RBFOX1: variants seen among roughly 807,000 people sequenced by gnomAD.
RBFOX1 encodes RNA binding fox-1 homolog 1, also known as RNA binding protein fox-1 homolog 1.
In RBFOX1, 8 loss-of-function variants were observed where a neutral mutation model predicts 57.7. The observed-to-expected ratio is 0.14, with a 90% CI of 0.08 to 0.25. RBFOX1 has a LOEUF of 0.25. RBFOX1 is among the 10% of genes least tolerant of loss of function. RBFOX1 has a pLI of 1.00. For synonymous variants in RBFOX1, 326 were observed against 222.4 expected, an observed-to-expected ratio of 1.47 and a Z score of -4.15; for missense variants, 611 against 548.5, an observed-to-expected ratio of 1.11 and a Z score of -1.14.
intron 3 of RBFOX1, among the ~76,000 whole-genome samples, chr16:6,781,016 T>C (rs1482444438): frequency 6.6e-6 from 1 of 152,160 alleles, no homozygotes; most frequent in Non-Finnish European, 1.5e-5. Context: ...CATTTGACCA[T>C]TTTTGCTTTG....
At chr16:7,215,595 A>C (rs2091901962) in intron 4 of RBFOX1, among the ~76,000 whole-genome samples, 1 of 152,148 alleles carries the variant, frequency 6.6e-6, no homozygotes, top group Non-Finnish European at 1.5e-5. Context: ...AGCCATGACC[A>C]CATTCTAAAT....
chr16:5,370,063 C>T (rs527302), intron 1 of RBFOX1, among the ~76,000 whole-genome samples: 58,585 of 151,908 alleles, frequency 0.39, 12,065 homozygotes, highest in East Asian at 0.62. Context: ...CTACTATGTG[C>T]TGGGCACCAT....
At chr16:6,518,255 G>A (rs2096419322) in intron 2 of RBFOX1, among the ~76,000 whole-genome samples, 1 of 152,124 alleles carries the variant, frequency 6.6e-6, no homozygotes, top group Non-Finnish European at 1.5e-5. Context: ...TACCATTTAA[G>A]AAACAAACAT....
At chr16:5,789,389 A>G (rs1326591952) in intron 3 of RBFOX1, among the ~76,000 whole-genome samples, 3 of 152,150 alleles carry the variant, frequency 2.0e-5, no homozygotes, top group African/African-American at 4.8e-5. Context: ...ACAAGGGGCC[A>G]CTTTGGGAGG....
chr16:7,510,830 G>T, intron 4 of RBFOX1, among the ~76,000 whole-genome samples: 1 of 152,174 alleles, frequency 6.6e-6, no homozygotes, highest in East Asian at 1.9e-4. Flanking sequence ...GGGTCCCACT[G>T]CAGGAGCCGC....
intron 1 of RBFOX1, among the ~76,000 whole-genome samples, chr16:5,306,922 AAGC>A (rs2063952443): frequency 6.6e-6 from 1 of 152,204 alleles, no homozygotes; most frequent in African/African-American, 2.4e-5. Flanking sequence ...TCATGTCTAG[AAGC>A]AGCAGCCAGT....
intron 3 of RBFOX1, among the ~76,000 whole-genome samples, chr16:6,976,876 T>TATA (rs3074659): frequency 6.8e-6 from 1 of 146,690 alleles, no homozygotes; most frequent in East Asian, 2.0e-4. Context: ...ACATATGTCA[T>TATA]ATCCATATCA....
intron 3 of RBFOX1, among the ~76,000 whole-genome samples, chr16:6,765,642 A>C (rs2077219875): frequency 1.3e-5 from 2 of 152,288 alleles, no homozygotes; most frequent in Non-Finnish European, 2.9e-5. Flanking sequence ...CAATCACTCT[A>C]CCCAATACTG....
intron 1 of RBFOX1, among the ~76,000 whole-genome samples, chr16:6,027,859 A>G (rs1488137540): frequency 1.3e-5 from 2 of 152,168 alleles, no homozygotes; most frequent in Admixed American, 6.5e-5. Context: ...CTGCAAATGT[A>G]CGGTTGAGAT....
intron 4 of RBFOX1, among the ~76,000 whole-genome samples, chr16:7,416,021 C>T (rs189846707): frequency 6.6e-6 from 1 of 152,294 alleles, no homozygotes; most frequent in African/African-American, 2.4e-5. Flanking sequence ...AGATGATCTC[C>T]TCTTTGACAT....
intron 1 of RBFOX1, 88 bp from the exon 2 acceptor site, chr16:6,316,907 G>A (rs2081185766): frequency 2.1e-6 from 2 of 964,246 alleles, no homozygotes; most frequent in Non-Finnish European, 3.1e-6. Context: ...TTTGAAGGTT[G>A]GTCCATATTA....
At chr16:5,858,952 C>T (rs965212210) in intron 3 of RBFOX1, among the ~76,000 whole-genome samples, 2 of 152,170 alleles carry the variant, frequency 1.3e-5, no homozygotes, top group African/African-American at 4.8e-5. Flanking sequence ...TGGTGGCTCA[C>T]GCCTGTAATC....
chr16:5,700,891 C>T (rs1418003757), intron 3 of RBFOX1, among the ~76,000 whole-genome samples: 1 of 152,178 alleles, frequency 6.6e-6, no homozygotes, highest in African/African-American at 2.4e-5. Flanking sequence ...ACTCCAGGAG[C>T]TGAGCATGCT....
intron 2 of RBFOX1, among the ~76,000 whole-genome samples, chr16:6,499,554 G>T (rs1054413105): frequency 1.3e-5 from 2 of 152,044 alleles, no homozygotes; most frequent in African/African-American, 4.8e-5. Context: ...AGCATCTCCC[G>T]TGTGAGCCAT....
intron 4 of RBFOX1, among the ~76,000 whole-genome samples, chr16:7,184,143 T>C (rs1212417830): frequency 6.6e-6 from 1 of 152,158 alleles, no homozygotes; most frequent in African/African-American, 2.4e-5. Flanking sequence ...GCTTTGTGTA[T>C]TTGAAGATCA....
At chr16:7,615,784 G>T (rs147748633) in intron 10 of RBFOX1, among the ~76,000 whole-genome samples, 3 of 152,124 alleles carry the variant, frequency 2.0e-5, no homozygotes, top group Admixed American at 1.3e-4. Context: ...GGCCAAGGAC[G>T]CTTCAAAACA....
intron 4 of RBFOX1, among the ~76,000 whole-genome samples, chr16:5,870,767 A>C (rs2057450785): frequency 6.6e-6 from 1 of 152,094 alleles, no homozygotes; most frequent in African/African-American, 2.4e-5. Flanking sequence ...ACCGTTATTT[A>C]ATGCGTGATC....
At chr16:7,612,143 A>C (rs1402159924) in intron 10 of RBFOX1, among the ~76,000 whole-genome samples, 11 of 151,826 alleles carry the variant, frequency 7.2e-5, no homozygotes, top group African/African-American at 2.4e-4. Flanking sequence ...AACACGATGA[A>C]ACCCCGTCTC....
chr16:7,638,593 C>A (rs1306295325), intron 11 of RBFOX1, among the ~76,000 whole-genome samples: 1 of 152,142 alleles, frequency 6.6e-6, no homozygotes, highest in Non-Finnish European at 1.5e-5. Flanking sequence ...AGATGTCTGG[C>A]CAGGGCTTAG....
Sources: allele counts gnomAD v4.1 joint callset (sites outside exome capture counted in the v4.1 genomes callset), GRCh38; gene constraint gnomAD v4.1.1; transcripts MANE v1.5; gene names NCBI Gene and HGNC (gene_info 2026-07-23, HGNC 2026-07-21).